The following FBXO17 variants were observed in gnomAD, a reference collection of about 807,000 sequenced individuals.
The protein encoded by FBXO17 is F-box only protein 17.
A neutral mutation model predicts 34.1 loss-of-function variants in FBXO17; 43 were observed. The observed-to-expected ratio is 1.26, with a 90% CI of 0.99 to 1.62. FBXO17 has a LOEUF of 1.62. Ranked by LOEUF, FBXO17 falls within the 40% of genes most tolerant of loss-of-function variation. The probability of loss-of-function intolerance (pLI) is 0.00; values close to 1 mark genes in which losing one functional copy is unlikely to be tolerated. For missense variants in FBXO17, 424 were observed against 386.7 expected (o/e 1.10, Z -0.81); for synonymous variants, 169 against 166.0 (o/e 1.02, Z -0.14).
At chr19:38,942,871 G>A in intron 5 of FBXO17, 120 bp from the exon 6 acceptor site, 1 of 1,254,256 alleles carries the variant, frequency 8.0e-7, no homozygotes, top group Non-Finnish European at 1.1e-6. Context: ...GCTGGGGACG[G>A]AGCAGTGAAT....
At chr19:38,943,355 C>A (rs1211062781) in intron 5 of FBXO17, among the ~76,000 whole-genome samples, 1 of 151,892 alleles carries the variant, frequency 6.6e-6, no homozygotes. Flanking sequence ...CTCAATGCAA[C>A]CTCCACCTCG....
chr19:38,969,589 T>A (rs886796774), intron 1 of FBXO17, among the ~76,000 whole-genome samples: 6 of 11,498 alleles, frequency 5.2e-4, no homozygotes, highest in African/African-American at 4.8e-3. Flanking sequence ...ACCACTGGGC[T>A]TTTTTTTTTT....
intron 1 of FBXO17, among the ~76,000 whole-genome samples, chr19:38,969,419 G>T (rs1975361680): frequency 6.8e-6 from 1 of 147,994 alleles, no homozygotes; most frequent in Non-Finnish European, 1.5e-5. Flanking sequence ...TCCAGCCTGG[G>T]TGACAGAGAC....
intron 1 of FBXO17, among the ~76,000 whole-genome samples, chr19:38,950,807 T>G (rs538713411): frequency 6.6e-6 from 1 of 152,324 alleles, no homozygotes; most frequent in South Asian, 2.1e-4. Flanking sequence ...TTTTTTTTTT[T>G]GAGACACAGT....
intron 1 of FBXO17, among the ~76,000 whole-genome samples, chr19:38,974,794 T>C (rs1975439437): frequency 6.6e-6 from 1 of 152,098 alleles, no homozygotes; most frequent in Non-Finnish European, 1.5e-5. Flanking sequence ...AACAAAAAAA[T>C]GTATTTGGCC....
chr19:38,953,890 A>C (rs1403112154), intron 1 of FBXO17, among the ~76,000 whole-genome samples: 1 of 150,732 alleles, frequency 6.6e-6, no homozygotes, highest in Non-Finnish European at 1.5e-5. Context: ...TAGGTGGTAG[A>C]GGCGGGGGTG....
intron 1 of FBXO17, among the ~76,000 whole-genome samples, chr19:38,956,361 A>T (rs935031266): frequency 3.9e-5 from 6 of 152,016 alleles, no homozygotes; most frequent in Admixed American, 6.6e-5. Flanking sequence ...GTAAAACCTT[A>T]ATTTGTTTAA....
chr19:38,973,836 G>A (rs1975421766), intron 1 of FBXO17, among the ~76,000 whole-genome samples: 1 of 151,140 alleles, frequency 6.6e-6, no homozygotes, highest in South Asian at 2.1e-4. Flanking sequence ...AAATTAGTGG[G>A]GTTTGGTGGG....
At chr19:38,968,702 A>G (rs1196977935) in intron 1 of FBXO17, among the ~76,000 whole-genome samples, 1 of 152,094 alleles carries the variant, frequency 6.6e-6, no homozygotes, top group Non-Finnish European at 1.5e-5. Flanking sequence ...CATGTCCACA[A>G]AATAGAATAT....
At chr19:38,967,507 T>C (rs561995875) in intron 1 of FBXO17, among the ~76,000 whole-genome samples, 38 of 151,382 alleles carry the variant, frequency 2.5e-4, no homozygotes, top group Admixed American at 5.3e-4. Flanking sequence ...AAAGAACATA[T>C]ACAAATGAGT....
chr19:38,960,238 G>C (rs1326568912), intron 1 of FBXO17, among the ~76,000 whole-genome samples: 3 of 151,396 alleles, frequency 2.0e-5, no homozygotes, highest in African/African-American at 7.3e-5. Flanking sequence ...GTTTGTTTTT[G>C]GTCTGTCCAG....
At position 38,949,898 on chromosome 19, in the gene FBXO17, TCTGTCCCGGCCCCGCCCCCGC is replaced by T. The variant is rs923593861; in HGVS notation, c.349+52_349+72del. On this transcript the variant is annotated intron_variant, in intron 2 of 5. Transcript: ENST00000292852. ...CGCCCATTGGCTACATCTCTCAGAC[TCTGTCCCGGCCCCGCCCCCGC>T]CTCGCTCGCGCGGCCCCCCTCAGCC... The T allele has an allele frequency of 2.1e-6, 3 of 1,442,638 alleles. No homozygotes were observed. The African/African-American group carries it at 4.4e-5, about 21-fold the overall frequency. 89.4% of individuals were successfully genotyped at this position (1,442,638 alleles called of 1,614,324 possible).
intron 1 of FBXO17, among the ~76,000 whole-genome samples, chr19:38,963,037 A>G (rs1452202249): frequency 2.0e-5 from 3 of 151,870 alleles, no homozygotes; most frequent in African/African-American, 7.2e-5. Flanking sequence ...CATTCTCTTT[A>G]TTTCTTAGTA....
chr19:38,952,198 C>T (rs1416076340), intron 1 of FBXO17, among the ~76,000 whole-genome samples: 2 of 152,144 alleles, frequency 1.3e-5, no homozygotes, highest in Non-Finnish European at 2.9e-5. Context: ...CCACCTGTCT[C>T]AGCTTCCCAA....
intron 1 of FBXO17, among the ~76,000 whole-genome samples, chr19:38,972,783 G>C (rs137979780): frequency 6.6e-6 from 1 of 152,026 alleles, no homozygotes; most frequent in Admixed American, 6.6e-5. Flanking sequence ...TTTTTGGACA[G>C]AGTTTTGCTC....
chr19:38,958,875 A>G (rs952261580), intron 1 of FBXO17, among the ~76,000 whole-genome samples: 52 of 152,008 alleles, frequency 3.4e-4, no homozygotes, highest in Non-Finnish European at 6.6e-4. Flanking sequence ...TGCAGAAGGG[A>G]CATTGCTAAG....
chr19:38,963,281 G>A (rs1212777947), intron 1 of FBXO17, among the ~76,000 whole-genome samples: 1 of 148,400 alleles, frequency 6.7e-6, no homozygotes, highest in Non-Finnish European at 1.5e-5. Context: ...CATAATGTCC[G>A]TGTGATTCAC....
intron 3 of FBXO17, 131 bp downstream of exon 3, chr19:38,948,436 G>C (rs1975019096): frequency 6.0e-6 from 4 of 665,472 alleles, no homozygotes; most frequent in Admixed American, 2.9e-5. Flanking sequence ...TTGATTGATG[G>C]AATGAATCAA....
At chr19:38,963,226 C>T (rs189067502) in intron 1 of FBXO17, among the ~76,000 whole-genome samples, 1 of 151,982 alleles carries the variant, frequency 6.6e-6, no homozygotes, top group African/African-American at 2.4e-5. Context: ...TGTAATATTC[C>T]TTGAGTTGTA....
Sources: gnomAD v4.1 joint callset for allele counts (sites outside exome capture counted in the v4.1 genomes callset) on GRCh38, gnomAD v4.1.1 for gene constraint, MANE v1.5 for transcripts, NCBI Gene and HGNC (gene_info 2026-07-23, HGNC 2026-07-21) for gene names.